HLTF: variants seen among roughly 807,000 people sequenced by gnomAD.
HLTF encodes the protein DNA-dependent ATPase/E3 ubiquitin-protein ligase HLTF.
A neutral mutation model predicts 129.4 loss-of-function variants in HLTF; 127 were observed. That is an observed-to-expected ratio of 0.98 (90% CI 0.85 to 1.14). HLTF has a LOEUF of 1.14. Among genes scored for constraint, HLTF ranks in the 50% most tolerant of loss-of-function variants. HLTF has a pLI of 0.00. For synonymous variants in HLTF, 332 were observed against 388.8 expected (o/e 0.85, Z 1.72); for missense variants, 1,139 against 1,187.1 (o/e 0.96, Z 0.60).
At chr3:149,058,872 A>T (rs1717689170) in intron 13 of HLTF, among the ~76,000 whole-genome samples, 1 of 152,176 alleles carries the variant, frequency 6.6e-6, no homozygotes, top group Non-Finnish European at 1.5e-5. Context: ...AGTGGTTTCT[A>T]ATGTGTAATT....
Position 149,030,873 on chromosome 3 carries a change from T to C in HLTF, c.*1347A>G, listed in dbSNP as rs187928401. On this transcript the variant is annotated 3_prime_UTR_variant, in exon 25 of 25. Transcript: ENST00000310053. ...GACTTATCTGGTGAGAGATTTGGCA[T>C]ATACCTTCAATGTGTGCCCTATAAC... 2.0e-5 allele frequency: 3 copies of C among 152,350 alleles called. No individual in the cohort carries two copies. Among genetic ancestry groups the C allele is most frequent in the Non-Finnish European group, 4.4e-5 (3 of 68,028 alleles). The allele number at this position is 152,350 out of a possible 1,614,324, so 9.4% of individuals were successfully genotyped here.
rs1716885602 is a variant in HLTF, at chr3:149,050,358, A to G, written c.1491T>C (p.His497=). ...LSNWIDQFGQ[H]IKSDVHLNFY... ...AATTCAAGTGTACATCTGATTTTAT[A>G]TGTTGTCCAAACTGGTCCTAAAGAA... The change falls in exon 15 of 25, where the codon CAT becomes CAC. Residue 497 remains histidine (H), a synonymous_variant. Transcript: ENST00000310053. 1.3e-6 allele frequency: 2 copies of G among 1,588,792 alleles called. No homozygotes were observed. Among genetic ancestry groups the G allele is most frequent in the Non-Finnish European group, 8.6e-7 (1 of 1,164,964 alleles).
chr3:149,048,770 C>T, intron 16 of HLTF, 93 bp downstream of exon 16: 12 of 896,906 alleles, frequency 1.3e-5, no homozygotes, highest in South Asian at 6.8e-5. Context: ...GCAGAATTTA[C>T]ACCCACTTTA....
intron 5 of HLTF, among the ~76,000 whole-genome samples, chr3:149,072,143 C>T (rs552449257): frequency 2.0e-3 from 302 of 152,310 alleles, no homozygotes; most frequent in Non-Finnish European, 1.7e-3. Context: ...TAGAATTACA[C>T]TACTCACTGA....
At chr3:149,054,811 GTGTTTCAA>G (rs1559866293) in intron 14 of HLTF, among the ~76,000 whole-genome samples, 1 of 152,178 alleles carries the variant, frequency 6.6e-6, no homozygotes, top group Non-Finnish European at 1.5e-5. Flanking sequence ...TAACCTCTCT[GTGTTTCAA>G]TGTGGGCACC....
chr3:149,038,076 A>T (rs1715807150), intron 23 of HLTF, among the ~76,000 whole-genome samples: 1 of 152,162 alleles, frequency 6.6e-6, no homozygotes. Context: ...GACCACCTGT[A>T]CCTCAATCAC....
intron 23 of HLTF, among the ~76,000 whole-genome samples, chr3:149,035,364 A>T (rs1715482126): frequency 6.6e-6 from 1 of 152,202 alleles, no homozygotes; most frequent in African/African-American, 2.4e-5. Context: ...TTATATGAGA[A>T]AAGACACAAT....
chr3:149,063,406 A>G (rs779465991), intron 10 of HLTF, 25 bp downstream of exon 10: 2 of 1,367,620 alleles, frequency 1.5e-6, no homozygotes, highest in South Asian at 2.3e-5. Context: ...TAAACATATG[A>G]CATAATCAAA....
chr3:149,086,387 T>G lies in HLTF; in HGVS notation c.-51A>C, dbSNP rs765621296. The G allele has an allele frequency of 2.8e-5, 43 of 1,555,056 alleles. No individual in the cohort carries two copies. Among genetic ancestry groups the G allele is most frequent in the Non-Finnish European group, 3.6e-5 (41 of 1,148,176 alleles). ...GCGCCTCGGCTCCCCTGGATCGTTT[T>G]CGAGCCGCCTCGATACGCCTCCTTC... On this transcript the variant is annotated 5_prime_UTR_variant, in exon 1 of 25. Transcript: ENST00000310053.
chr3:149,081,192 T>G (rs1176552356), intron 2 of HLTF, among the ~76,000 whole-genome samples: 2 of 147,148 alleles, frequency 1.4e-5, no homozygotes, highest in Non-Finnish European at 3.0e-5. Flanking sequence ...GAAAAAGAAA[T>G]AAACCACATT....
chr3:149,051,741 G>A (rs1325612302), intron 14 of HLTF, among the ~76,000 whole-genome samples: 1 of 151,640 alleles, frequency 6.6e-6, no homozygotes, highest in Non-Finnish European at 1.5e-5. Flanking sequence ...ATGGTGATGC[G>A]CACCTATAAT....
chr3:149,084,723 A>C lies in HLTF; in HGVS notation c.187T>G (p.Leu63Val), dbSNP rs1720198675. ...CGTAGTCCAACCACATGACCTCTCAAACTTCCAAATAAAACGGAATCTACT... is the reference window on the plus strand; with the variant it reads ...CGTAGTCCAACCACATGACCTCTCACACTTCCAAATAAAACGGAATCTACT... ...EEVDSVLFGS[L>V]RGHVVGLRYY... Residue 63 changes from leucine (L) to valine (V), a missense_variant, in exon 2 of 25, where the codon TTG (leucine) becomes GTG (valine). By Grantham distance (32) the Leu-to-Val change is conservative (BLOSUM62 1). Coordinates refer to ENST00000310053, the MANE Select transcript of HLTF (RefSeq NM_003071.4). The C allele has an allele frequency of 6.2e-7, 1 of 1,614,100 alleles. No individual in the cohort carries two copies. The highest frequency in any genetic ancestry group is 1.3e-5 in the African/African-American group (1 of 75,046).
chr3:149,062,239 A>G (rs1166539311), intron 10 of HLTF, among the ~76,000 whole-genome samples: 3 of 152,180 alleles, frequency 2.0e-5, no homozygotes, highest in African/African-American at 7.2e-5. Flanking sequence ...AGCTGTTGTT[A>G]AGTTTTTCTC....
Position 149,048,027 on chromosome 3 carries a change from C to CCTAA in HLTF, c.1889_1892dup (p.Arg631SerfsTer2). 6.3e-7 allele frequency: 1 copy of CCTAA among 1,597,198 alleles called. No homozygotes were observed. Among genetic ancestry groups the CCTAA allele is most frequent in the South Asian group, 1.1e-5 (1 of 87,452 alleles). On this transcript the variant is annotated stop_gained and frameshift_variant and splice_region_variant. Transcript: ENST00000310053. LOFTEE classifies it high-confidence loss of function. Reference sequence around the variant, plus strand: ...ATTAATCACTGTCTGAAAGTACTTACCTAAGTCCTCCTTCATCTCCCATTG... The same window carrying CCTAA: ...ATTAATCACTGTCTGAAAGTACTTACCTAACTAAGTCCTCCTTCATCTCCCATTG...
At chr3:149,036,349 C>A (rs1427478569) in intron 23 of HLTF, among the ~76,000 whole-genome samples, 1 of 123,424 alleles carries the variant, frequency 8.1e-6, no homozygotes, top group Non-Finnish European at 1.6e-5. Flanking sequence ...AGTGCAGTGG[C>A]ACGATCTCAG....
At chr3:149,046,841 T>C (rs1224550035) in intron 17 of HLTF, among the ~76,000 whole-genome samples, 2 of 152,200 alleles carry the variant, frequency 1.3e-5, no homozygotes, top group African/African-American at 4.8e-5. Flanking sequence ...AAAAAAGAGA[T>C]GTATCAATTC....
At chr3:149,058,340 G>T (rs1185734962) in intron 13 of HLTF, among the ~76,000 whole-genome samples, 2 of 151,886 alleles carry the variant, frequency 1.3e-5, no homozygotes, top group Non-Finnish European at 2.9e-5. Flanking sequence ...TTTCAGGCAT[G>T]TGCCACCATG....
In HLTF at chr3:149,052,398, T is replaced by C. The variant is rs532894447; in HGVS notation, c.1474-2023A>G. Among the ~76,000 whole-genome samples, 22 of 152,146 alleles carry C rather than the reference T, an allele frequency of 1.4e-4. No individual in the cohort carries two copies. The South Asian group carries it at 4.6e-3, about 32-fold the overall frequency. ...GGGTAAAGGCCTGGGATCCAAAGAA[T>C]ATAAAAGTTTCAAGAAAAAAAACCA... is the stretch of plus-strand genomic sequence containing the variant. On this transcript the variant is annotated intron_variant, in intron 14 of 24. Transcript: ENST00000310053.
At chr3:149,066,801 C>G (rs1718418677) in intron 8 of HLTF, among the ~76,000 whole-genome samples, 1 of 151,944 alleles carries the variant, frequency 6.6e-6, no homozygotes, top group African/African-American at 2.4e-5. Flanking sequence ...GTAGGAAGAA[C>G]AAGACATAAA....
Sources: gnomAD v4.1 joint callset for allele counts (sites outside exome capture counted in the v4.1 genomes callset) on GRCh38, gnomAD v4.1.1 for gene constraint, MANE v1.5 for transcripts, NCBI Gene and HGNC (gene_info 2026-07-23, HGNC 2026-07-21) for gene names.